Variants in ABLIM1 observed in about 807,000 individuals in gnomAD.
The protein encoded by ABLIM1 is actin binding LIM protein 1, also known as actin-binding LIM protein 1.
A neutral mutation model predicts 107.0 loss-of-function variants in ABLIM1; 40 were observed. The observed-to-expected ratio is 0.37, with a 90% CI of 0.29 to 0.49. The LOEUF (loss-of-function observed/expected upper bound fraction) is 0.49. Ranked by LOEUF, ABLIM1 falls within the 20% of genes least tolerant of loss-of-function variation. The probability of loss-of-function intolerance (pLI) is 0.97; values close to 1 mark genes in which losing one functional copy is unlikely to be tolerated. For missense variants in ABLIM1, 857 were observed against 1,008.5 expected (o/e 0.85, Z 2.04); for synonymous variants, 357 against 357.3 (o/e 1.00, Z 0.01).
chr10:114,753,269 G>T (rs1273607432), intron 1 of ABLIM1, among the ~76,000 whole-genome samples: 1 of 152,208 alleles, frequency 6.6e-6, no homozygotes, highest in African/African-American at 2.4e-5. Context: ...AGAGCATAGG[G>T]CAAGACAGCC....
chr10:114,442,312 G>A lies in ABLIM1; in HGVS notation c.1934-526C>T, dbSNP rs116676324. ...CAAGATCTACCAGCCATCTACAGCT[G>A]GCCTCCTGGGAGGCCTGATACAGGG... On this transcript the variant is annotated intron_variant, in intron 17 of 22. Transcript: ENST00000533213. Among the ~76,000 whole-genome samples, 934 of 152,290 alleles carry A rather than the reference G, an allele frequency of 6.1e-3. 10 individuals carry two copies. The highest frequency in any genetic ancestry group is 0.021 in the African/African-American group (881 of 41,552).
At position 114,545,102 on chromosome 10, in the gene ABLIM1, C is replaced by T; in HGVS notation, c.801-4G>A. 6.2e-7 allele frequency: 1 copy of T among 1,614,082 alleles called. No individual in the cohort carries two copies. Among genetic ancestry groups the T allele is most frequent in the Non-Finnish European group, 8.5e-7 (1 of 1,179,956 alleles). ...TTCACAGTACGGAGCACCATCCCTG[C>T]AAGACAAAAACGTGTTCGGCTCCTG... On this transcript the variant is annotated splice_region_variant and splice_polypyrimidine_tract_variant and intron_variant, in intron 5 of 22. Coordinates refer to ENST00000533213, the MANE Select transcript of ABLIM1 (RefSeq NM_002313.7).
chr10:114,711,276 T>A (rs2081542871), intron 1 of ABLIM1, among the ~76,000 whole-genome samples: 1 of 152,212 alleles, frequency 6.6e-6, no homozygotes, highest in Admixed American at 6.5e-5. Context: ...TCTGCAGTCA[T>A]CCCACTTCAA....
upstream of ABLIM1, among the ~76,000 whole-genome samples, chr10:114,687,191 T>C (rs1566239377): frequency 6.6e-6 from 1 of 152,224 alleles, no homozygotes; most frequent in South Asian, 2.1e-4. Flanking sequence ...TATGTATTAA[T>C]ATGCAAGTGT....
chr10:114,724,183 C>T (rs1339850898), intron 1 of ABLIM1, among the ~76,000 whole-genome samples: 4 of 152,126 alleles, frequency 2.6e-5, no homozygotes, highest in Admixed American at 2.0e-4. Context: ...TATTATTGTG[C>T]AACAGAAAAA....
chr10:114,439,893 G>A (rs974381678), intron 20 of ABLIM1, 189 bp downstream of exon 20: 3 of 942,890 alleles, frequency 3.2e-6, no homozygotes, highest in Non-Finnish European at 4.7e-6. Context: ...TGTCCCCAAG[G>A]CCTGCAGGGA....
chr10:114,466,618 C>G (rs1334644577), intron 11 of ABLIM1, among the ~76,000 whole-genome samples: 2 of 152,192 alleles, frequency 1.3e-5, no homozygotes, highest in Non-Finnish European at 2.9e-5. Flanking sequence ...GTTCTGACCA[C>G]CAACCAAACT....
chr10:114,691,048 G>A (rs2081066482), intron 1 of ABLIM1, among the ~76,000 whole-genome samples: 1 of 152,042 alleles, frequency 6.6e-6, no homozygotes, highest in South Asian at 2.1e-4. Flanking sequence ...TCTTTCAATT[G>A]TTCCTTCTAA....
chr10:114,511,433 T>C (rs1313721688), intron 6 of ABLIM1, among the ~76,000 whole-genome samples: 1 of 151,968 alleles, frequency 6.6e-6, no homozygotes, highest in Non-Finnish European at 1.5e-5. Context: ...TGGTGCAGTG[T>C]CGGCTCACTG....
At chr10:114,610,728 G>C (rs374389335) in intron 1 of ABLIM1, 1 of 152,158 alleles carries the variant, frequency 6.6e-6, no homozygotes, top group African/African-American at 2.4e-5. Flanking sequence ...CTCTTAAACT[G>C]GCTTCCACGA....
chr10:114,615,478 T>C, intron 1 of ABLIM1: 2 of 431,980 alleles, frequency 4.6e-6, no homozygotes, highest in South Asian at 1.6e-5. Flanking sequence ...CCATCTCAGT[T>C]TCCTCTCTTT....
Position 114,465,593 on chromosome 10 carries a change from G to T in ABLIM1, c.1441+105C>A. 4.2e-6 allele frequency: 6 copies of T among 1,429,974 alleles called. No individual in the cohort carries two copies. The South Asian group carries it at 8.5e-5, about 20-fold the overall frequency. The allele number at this position is 1,429,974 out of a possible 1,614,324, so 88.6% of individuals were successfully genotyped here. ...TTCATTTTGCTCTGGGAGAGGGATG[G>T]AAATGTTTAGTCGTTGATTTTTCAA... On this transcript the variant is annotated intron_variant, in intron 12 of 22. Transcript: ENST00000533213.
exon 1 of ABLIM1, chr10:114,684,851 T>C: frequency 2.1e-6 from 1 of 467,326 alleles, no homozygotes. Flanking sequence ...TCTTTTTCCT[T>C]AATGAATTAC....
intron 1 of ABLIM1, among the ~76,000 whole-genome samples, chr10:114,652,959 T>C (rs1375280645): frequency 6.6e-6 from 1 of 152,184 alleles, no homozygotes; most frequent in Non-Finnish European, 1.5e-5. Context: ...AAATTTGAGT[T>C]GCTGAAGTAC....
In ABLIM1 at chr10:114,492,364, T is replaced by C. The variant is rs978547709; in HGVS notation, c.895-486A>G. On this transcript the variant is annotated intron_variant, in intron 6 of 22. Transcript: ENST00000533213. The stretch of plus-strand genomic sequence containing the variant: ...AGAAAAGCTATAGTAAAATACATCA[T>C]CCACTGTTTTTATCTCAAGGGGGGC... Among the ~76,000 whole-genome samples the C allele has an allele frequency of 7.2e-5, 11 of 152,258 alleles. No homozygotes were observed. In the East Asian group the frequency reaches 1.9e-3, roughly 27 times the overall value.
chr10:114,743,616 C>A (rs1052844368), intron 1 of ABLIM1, among the ~76,000 whole-genome samples: 3 of 152,160 alleles, frequency 2.0e-5, no homozygotes, highest in African/African-American at 7.2e-5. Context: ...AAAATCAAAT[C>A]ATTCCTCTTT....
intron 6 of ABLIM1, among the ~76,000 whole-genome samples, chr10:114,497,757 G>T (rs1321139535): frequency 6.9e-6 from 1 of 144,944 alleles, no homozygotes; most frequent in African/African-American, 2.6e-5. Context: ...TTTATAAAAA[G>T]ACTACACTGT....
At chr10:114,756,434 C>T (rs1392182591) in intron 1 of ABLIM1, among the ~76,000 whole-genome samples, 2 of 151,976 alleles carry the variant, frequency 1.3e-5, no homozygotes, top group Non-Finnish European at 2.9e-5. Context: ...TTTGCCATGT[C>T]CCTAAAACAG....
At chr10:114,755,188 G>T (rs1360640563) in intron 1 of ABLIM1, among the ~76,000 whole-genome samples, 2 of 152,138 alleles carry the variant, frequency 1.3e-5, no homozygotes, top group African/African-American at 4.8e-5. Context: ...AGATTCTCAT[G>T]GGAACGCAAA....
Sources: gnomAD v4.1 joint callset for allele counts (sites outside exome capture counted in the v4.1 genomes callset) on GRCh38, gnomAD v4.1.1 for gene constraint, MANE v1.5 for transcripts, NCBI Gene and HGNC (gene_info 2026-07-23, HGNC 2026-07-21) for gene names.